SSBP2: variants seen among roughly 807,000 people sequenced by gnomAD.
The protein encoded by SSBP2 is single stranded DNA binding protein 2.
SSBP2 carries 17 observed loss-of-function variants against 61.8 expected under a neutral mutation model. That is an observed-to-expected ratio of 0.28 (90% CI 0.19 to 0.41). The LOEUF is 0.41. Among genes scored for constraint, SSBP2 ranks in the 10% least tolerant of loss-of-function variants. The pLI, the probability that SSBP2 is intolerant of heterozygous loss-of-function variation, is 1.00. For synonymous variants in SSBP2, 139 were observed against 141.3 expected (o/e 0.98, Z 0.12); for missense variants, 310 against 458.7 (o/e 0.68, Z 2.96).
At chr5:81,568,198 C>T (rs1227250855) in intron 4 of SSBP2, among the ~76,000 whole-genome samples, 2 of 152,104 alleles carry the variant, frequency 1.3e-5, no homozygotes, top group African/African-American at 4.8e-5. Flanking sequence ...GAATTGTACT[C>T]CCATAATTCC....
At chr5:81,493,220 C>T (rs13171682) in intron 5 of SSBP2, among the ~76,000 whole-genome samples, 59,914 of 150,538 alleles carry the variant, frequency 0.4, 16,406 homozygotes, top group African/African-American at 0.79. Flanking sequence ...ATATATATAT[C>T]AAAAACATAT....
intron 14 of SSBP2, among the ~76,000 whole-genome samples, chr5:81,439,670 T>G (rs1481177149): frequency 1.5e-5 from 2 of 137,192 alleles, no homozygotes; most frequent in Non-Finnish European, 3.1e-5. Flanking sequence ...CCAGCTAGTT[T>G]TTTTTTTTTT....
chr5:81,482,673 G>A (rs1396639652), intron 6 of SSBP2, among the ~76,000 whole-genome samples: 1 of 152,174 alleles, frequency 6.6e-6, no homozygotes, highest in Non-Finnish European at 1.5e-5. Flanking sequence ...TGGCTTAAGG[G>A]AATATTGTGG....
chr5:81,662,237 G>T (rs771137930), intron 1 of SSBP2, among the ~76,000 whole-genome samples: 10 of 152,090 alleles, frequency 6.6e-5, no homozygotes, highest in Non-Finnish European at 1.2e-4. Context: ...AGGCCAAGGT[G>T]GGTCAATCAC....
intron 1 of SSBP2, among the ~76,000 whole-genome samples, chr5:81,744,433 C>T (rs1380552868): frequency 6.6e-6 from 1 of 151,972 alleles, no homozygotes; most frequent in Non-Finnish European, 1.5e-5. Context: ...GTCATCAATT[C>T]CTCACCCAAC....
intron 3 of SSBP2, among the ~76,000 whole-genome samples, chr5:81,631,642 G>A (rs442417): frequency 6.6e-6 from 1 of 151,752 alleles, no homozygotes; most frequent in African/African-American, 2.4e-5. Flanking sequence ...TTGTGTGTGC[G>A]CCTACTCAGT....
At chr5:81,660,227 C>T (rs1019252973) in intron 1 of SSBP2, among the ~76,000 whole-genome samples, 12 of 152,034 alleles carry the variant, frequency 7.9e-5, no homozygotes, top group African/African-American at 2.9e-4. Context: ...TGAGAGTGAA[C>T]AGGCAACCTA....
intron 10 of SSBP2, among the ~76,000 whole-genome samples, chr5:81,455,171 A>C (rs1055876565): frequency 1.3e-4 from 19 of 151,952 alleles, no homozygotes; most frequent in Admixed American, 7.2e-4. Flanking sequence ...TTCAAAAAAA[A>C]ACAAAAAACA....
At chr5:81,669,510 G>A (rs966319824) in intron 1 of SSBP2, among the ~76,000 whole-genome samples, 2 of 152,142 alleles carry the variant, frequency 1.3e-5, no homozygotes, top group Non-Finnish European at 2.9e-5. Context: ...AGGGGACATG[G>A]ATGAAGCTGG....
intron 1 of SSBP2, among the ~76,000 whole-genome samples, chr5:81,701,161 G>T (rs1216169134): frequency 2.6e-5 from 4 of 152,112 alleles, no homozygotes; most frequent in African/African-American, 9.7e-5. Flanking sequence ...ACACTTAGAG[G>T]CCATTGTAGG....
At chr5:81,581,348 G>C (rs1313993920) in intron 4 of SSBP2, among the ~76,000 whole-genome samples, 1 of 152,178 alleles carries the variant, frequency 6.6e-6, no homozygotes, top group African/African-American at 2.4e-5. Context: ...GTAGAATGGA[G>C]GTGTTTGACT....
chr5:81,453,456 C>CTTTTTT (rs34761912), intron 10 of SSBP2, among the ~76,000 whole-genome samples: 1 of 112,142 alleles, frequency 8.9e-6, no homozygotes, highest in Non-Finnish European at 1.7e-5. Context: ...TGGGTTTATT[C>CTTTTTT]TTTTTTTTTT....
At chr5:81,606,359 T>G (rs1043801241) in intron 4 of SSBP2, among the ~76,000 whole-genome samples, 1 of 152,026 alleles carries the variant, frequency 6.6e-6, no homozygotes, top group Non-Finnish European at 1.5e-5. Flanking sequence ...GCCCTCCCAT[T>G]CATTGTGACC....
chr5:81,661,593 T>C (rs576889656), intron 1 of SSBP2, among the ~76,000 whole-genome samples: 16 of 152,188 alleles, frequency 1.1e-4, no homozygotes, highest in Non-Finnish European at 2.2e-4. Flanking sequence ...ATTTCTCTGA[T>C]AATTAGTGAC....
intron 15 of SSBP2, among the ~76,000 whole-genome samples, chr5:81,434,151 C>T (rs1025905266): frequency 1.3e-5 from 2 of 152,144 alleles, no homozygotes. Flanking sequence ...ATTCTCAATT[C>T]AGTACTCTTT....
chr5:81,682,344 C>A (rs385716), intron 1 of SSBP2, among the ~76,000 whole-genome samples: 56,904 of 151,970 alleles, frequency 0.37, 11,036 homozygotes, highest in Middle Eastern at 0.58. Flanking sequence ...ACAGAACCAA[C>A]TGAGTTTTAT....
At chr5:81,639,551 G>A (rs941393815) in intron 2 of SSBP2, among the ~76,000 whole-genome samples, 1 of 151,750 alleles carries the variant, frequency 6.6e-6, no homozygotes. Flanking sequence ...ACTAAGCAGA[G>A]AAGGGGGATA....
intron 5 of SSBP2, among the ~76,000 whole-genome samples, chr5:81,510,956 T>G (rs1319543467): frequency 6.6e-6 from 1 of 152,110 alleles, no homozygotes; most frequent in African/African-American, 2.4e-5. Flanking sequence ...AAGTTCAAAC[T>G]CTACTAACCT....
intron 1 of SSBP2, among the ~76,000 whole-genome samples, chr5:81,724,106 T>C (rs1755719908): frequency 6.9e-6 from 1 of 144,860 alleles, no homozygotes; most frequent in South Asian, 2.1e-4. Context: ...AAAGCACACA[T>C]TTATTTTTTA....
Sources: gnomAD v4.1 joint callset for allele counts (sites outside exome capture counted in the v4.1 genomes callset) on GRCh38, gnomAD v4.1.1 for gene constraint, MANE v1.5 for transcripts, NCBI Gene and HGNC (gene_info 2026-07-23, HGNC 2026-07-21) for gene names.